RAP1GDS1: variants seen among roughly 807,000 people sequenced by gnomAD.
The protein encoded by RAP1GDS1 is RAP1, GTP-GDP dissociation stimulator 1.
Under a neutral mutation model 71.1 loss-of-function variants are expected in RAP1GDS1, and 35 were observed. That is an observed-to-expected ratio of 0.49 (90% CI 0.38 to 0.65). The LOEUF (loss-of-function observed/expected upper bound fraction) is 0.65. Ranked by LOEUF, RAP1GDS1 falls within the 30% of genes least tolerant of loss-of-function variation. The pLI is 0.00. For synonymous variants in RAP1GDS1, 229 were observed against 243.1 expected (o/e 0.94, Z 0.54); for missense variants, 663 against 706.1 (o/e 0.94, Z 0.69).
chr4:98,335,166 A>G (rs995741474), intron 2 of RAP1GDS1, among the ~76,000 whole-genome samples: 20 of 152,266 alleles, frequency 1.3e-4, no homozygotes, highest in Middle Eastern at 3.4e-3. Flanking sequence ...TAATCTCTCA[A>G]AAGTACGGAA....
chr4:98,261,510 G>T lies in RAP1GDS1; in HGVS notation c.-56G>T, dbSNP rs1169819698. On this transcript the variant is annotated 5_prime_UTR_variant, in exon 1 of 15. Transcript: ENST00000408927. ...TAGAGGGAGGACACAGAGCCGCGCCGCCCGCACCACAGACCTTCGCCTCGC... is the reference window on the plus strand; with the variant it reads ...TAGAGGGAGGACACAGAGCCGCGCCTCCCGCACCACAGACCTTCGCCTCGC... The T allele has an allele frequency of 3.8e-6, 6 of 1,568,820 alleles. No homozygotes were observed. Among genetic ancestry groups the T allele is most frequent in the Admixed American group, 1.8e-5 (1 of 56,770 alleles).
At chr4:98,360,657 T>C (rs954704634) in intron 4 of RAP1GDS1, among the ~76,000 whole-genome samples, 2 of 152,288 alleles carry the variant, frequency 1.3e-5, no homozygotes, top group East Asian at 1.9e-4. Context: ...AATTTTCTTA[T>C]TTGTAACCAA....
At chr4:98,404,362 T>C (rs1745838570) in intron 6 of RAP1GDS1, 115 bp from the exon 7 acceptor site, 1 of 975,008 alleles carries the variant, frequency 1.0e-6, no homozygotes, top group African/African-American at 1.7e-5. Context: ...ATTGTTCCCA[T>C]ATTTGAAGAG....
Position 98,417,505 on chromosome 4 carries a change from A to T in RAP1GDS1, c.1039+7A>T, listed in dbSNP as rs1560989017. The T allele has an allele frequency of 6.2e-7, 1 of 1,612,502 alleles. No homozygotes were observed. Among genetic ancestry groups the T allele is most frequent in the Admixed American group, 1.7e-5 (1 of 59,804 alleles). ...GCAAATTTTGCCAGAAATGGTAAGCATATTAGTTCCTCCTTTGTTAGTCAA... is the reference window on the plus strand; with the variant it reads ...GCAAATTTTGCCAGAAATGGTAAGCTTATTAGTTCCTCCTTTGTTAGTCAA... On this transcript the variant is annotated splice_region_variant and intron_variant, in intron 9 of 14. Coordinates refer to ENST00000408927, the MANE Select transcript of RAP1GDS1 (RefSeq NM_001100427.2).
chr4:98,333,938 A>T (rs1734347696), intron 2 of RAP1GDS1, among the ~76,000 whole-genome samples: 1 of 152,192 alleles, frequency 6.6e-6, no homozygotes, highest in African/African-American at 2.4e-5. Flanking sequence ...TTATAGTGTT[A>T]TGGCCTTAAA....
chr4:98,413,666 G>A (rs1455737781), intron 7 of RAP1GDS1, among the ~76,000 whole-genome samples: 1 of 152,010 alleles, frequency 6.6e-6, no homozygotes, highest in Admixed American at 6.6e-5. Context: ...TGTGAATAAT[G>A]CCGCAATAAA....
chr4:98,416,448 G>A (rs1279018851), intron 7 of RAP1GDS1, among the ~76,000 whole-genome samples: 2 of 135,252 alleles, frequency 1.5e-5, no homozygotes, highest in Admixed American at 8.5e-5. Context: ...CCAGGTTCAC[G>A]CCATTCTCCT....
At chr4:98,325,455 A>C (rs1270202824) in intron 2 of RAP1GDS1, among the ~76,000 whole-genome samples, 1 of 151,848 alleles carries the variant, frequency 6.6e-6, no homozygotes, top group Non-Finnish European at 1.5e-5. Context: ...TCATGCTGCT[A>C]TAAAGACACA....
At chr4:98,382,725 TTGAC>T (rs1379466235) in intron 5 of RAP1GDS1, among the ~76,000 whole-genome samples, 1 of 151,640 alleles carries the variant, frequency 6.6e-6, no homozygotes, top group African/African-American at 2.4e-5. Flanking sequence ...TTTTCATTGA[TTGAC>T]TTTTTCTGGA....
chr4:98,280,523 G>A (rs1724916275), intron 1 of RAP1GDS1, among the ~76,000 whole-genome samples: 1 of 152,062 alleles, frequency 6.6e-6, no homozygotes, highest in East Asian at 1.9e-4. Flanking sequence ...TTTGTCAGAT[G>A]GGTAGATTGC....
chr4:98,332,621 A>G lies in RAP1GDS1; in HGVS notation c.113-10518A>G, dbSNP rs542472558. Among the ~76,000 whole-genome samples, 407 of 152,334 alleles carry G rather than the reference A, an allele frequency of 2.7e-3. 3 individuals are homozygous for G. The highest frequency in any genetic ancestry group is 9.5e-3 in the African/African-American group (394 of 41,582). The stretch of plus-strand genomic sequence containing the variant: ...AAACTTCTGAGCTATGAATATGAGA[A>G]GCTTTAAGAGGAAAACTATACCTCA... On this transcript the variant is annotated intron_variant, in intron 2 of 14. Transcript: ENST00000408927.
chr4:98,366,462 G>C (rs940329421), intron 4 of RAP1GDS1, among the ~76,000 whole-genome samples: 4 of 152,060 alleles, frequency 2.6e-5, no homozygotes, highest in African/African-American at 9.7e-5. Flanking sequence ...CAGTAAATTG[G>C]TACCAGGAGT....
chr4:98,376,306 G>A (rs184215983), intron 4 of RAP1GDS1, among the ~76,000 whole-genome samples: 1 of 152,052 alleles, frequency 6.6e-6, no homozygotes, highest in Admixed American at 6.6e-5. Flanking sequence ...TTACACTTAG[G>A]GATACACAAG....
intron 4 of RAP1GDS1, among the ~76,000 whole-genome samples, chr4:98,376,086 A>T (rs9999779): frequency 0.055 from 8,389 of 152,226 alleles, 586 homozygotes; most frequent in African/African-American, 0.17. Context: ...AATGTGAAGA[A>T]TGATCATACT....
intron 5 of RAP1GDS1, among the ~76,000 whole-genome samples, chr4:98,386,398 T>C (rs1162006856): frequency 6.6e-6 from 1 of 151,962 alleles, no homozygotes; most frequent in African/African-American, 2.4e-5. Context: ...TTTTGCCATT[T>C]ATATTTAAAA....
chr4:98,267,444 G>T (rs1186304636), intron 1 of RAP1GDS1, among the ~76,000 whole-genome samples: 2 of 152,126 alleles, frequency 1.3e-5, no homozygotes, highest in Non-Finnish European at 2.9e-5. Flanking sequence ...CCATCACCCA[G>T]GTAGTGTGCA....
chr4:98,389,312 C>G (rs762761587), intron 5 of RAP1GDS1, among the ~76,000 whole-genome samples: 2 of 103,094 alleles, frequency 1.9e-5, no homozygotes, highest in East Asian at 4.3e-4. Flanking sequence ...TTTTTTTTTT[C>G]TCTCTCTCTC....
intron 1 of RAP1GDS1, among the ~76,000 whole-genome samples, chr4:98,288,569 G>C (rs908229485): frequency 1.3e-5 from 2 of 152,094 alleles, no homozygotes; most frequent in Admixed American, 1.3e-4. Context: ...GCTGGGTCAA[G>C]TGGTATTTCT....
intron 1 of RAP1GDS1, among the ~76,000 whole-genome samples, chr4:98,262,316 C>G (rs1340169498): frequency 6.6e-6 from 1 of 152,224 alleles, no homozygotes; most frequent in Admixed American, 6.5e-5. Context: ...ACCGAACTTA[C>G]ATGGTAGTTA....
Sources: allele counts gnomAD v4.1 joint callset (sites outside exome capture counted in the v4.1 genomes callset), GRCh38; gene constraint gnomAD v4.1.1; transcripts MANE v1.5; gene names NCBI Gene and HGNC (gene_info 2026-07-23, HGNC 2026-07-21).